The following PROSER1 variants were observed in gnomAD, a reference collection of about 807,000 sequenced individuals.
PROSER1 encodes proline and serine rich 1.
A neutral mutation model predicts 71.8 loss-of-function variants in PROSER1; 36 were observed. The observed-to-expected ratio is 0.50, with a 90% confidence interval of 0.38 to 0.66. The LOEUF (loss-of-function observed/expected upper bound fraction) is 0.66. Ranked by LOEUF, PROSER1 falls within the 30% of genes least tolerant of loss-of-function variation. The probability of loss-of-function intolerance (pLI) is 0.00; values close to 1 mark genes in which losing one functional copy is unlikely to be tolerated. For synonymous variants in PROSER1, 490 were observed against 452.4 expected, an observed-to-expected ratio of 1.08 and a Z score of -1.06; for missense variants, 1,107 against 1,135.0, an observed-to-expected ratio of 0.98 and a Z score of 0.35.
Position 39,037,239 on chromosome 13 carries a change from C to T in PROSER1, c.4G>A (p.Asp2Asn). MDKKSFEMVLDE... is the reference protein window; with the variant it reads MNKKSFEMVLDE... Reference sequence around the variant, plus strand: ...AGCACCATTTCAAAGGACTTTTTATCCATCTTGACTACTATCCCGACGTGG... The same window carrying T: ...AGCACCATTTCAAAGGACTTTTTATTCATCTTGACTACTATCCCGACGTGG... The change falls in exon 1 of 13, where the codon GAT (aspartate) becomes AAT (asparagine). Residue 2 changes from aspartate to asparagine, a missense_variant. Transcript: ENST00000352251. The T allele has an allele frequency of 6.2e-7, 1 of 1,609,090 alleles. No homozygotes were observed. Among genetic ancestry groups the T allele is most frequent in the Non-Finnish European group, 8.5e-7 (1 of 1,175,458 alleles).
chr13:39,018,065 G>A (rs930780581), intron 9 of PROSER1: 6 of 153,498 alleles, frequency 3.9e-5, no homozygotes, highest in African/African-American at 1.4e-4. Context: ...ATTCACTGTG[G>A]ATTGTCCAAG....
At chr13:39,022,770 C>CA (rs954560173) in intron 8 of PROSER1, 1 of 390,894 alleles carries the variant, frequency 2.6e-6, no homozygotes, top group Non-Finnish European at 4.6e-6. Flanking sequence ...TACCAACTAC[C>CA]AAAAAAAGGA....
chr13:39,022,310 C>G lies in PROSER1; in HGVS notation c.730+16G>C. 2.6e-6 allele frequency: 4 copies of G among 1,557,720 alleles called. No individual in the cohort carries two copies. Among genetic ancestry groups the G allele is most frequent in the Non-Finnish European group, 3.5e-6 (4 of 1,128,964 alleles). On this transcript the variant is annotated intron_variant, in intron 9 of 12. Transcript: ENST00000352251. ...ATATGAATAAGTTACTTAAACACCCCCAAATAACATTTTACCTGTTCCTAC... is the reference window on the plus strand; with the variant it reads ...ATATGAATAAGTTACTTAAACACCCGCAAATAACATTTTACCTGTTCCTAC...
intron 9 of PROSER1, among the ~76,000 whole-genome samples, chr13:39,020,147 T>C (rs1305209971): frequency 2.0e-5 from 3 of 151,084 alleles, no homozygotes; most frequent in African/African-American, 7.3e-5. Context: ...CTATTTATAA[T>C]TGCAACCAAA....
At chr13:39,022,721 G>A in intron 8 of PROSER1, 1 of 384,010 alleles carries the variant, frequency 2.6e-6, no homozygotes, top group East Asian at 4.2e-5. Context: ...GCATATACTT[G>A]ACTTTTTGAA....
chr13:39,018,493 C>CACAA lies in PROSER1; in HGVS notation c.731-950_731-949insTTGT, dbSNP rs1555238999. Among the ~76,000 whole-genome samples, 132 of 144,280 alleles carry CACAA rather than the reference C, an allele frequency of 9.1e-4. 3 individuals carry two copies. In the East Asian group the frequency reaches 0.014, roughly 15 times the overall value. 94.7% of individuals were successfully genotyped at this position (144,280 alleles called of 152,430 possible). ...AACCCGACACACACACACACACACA[C>CACAA]ACACACACACACACACACACACACT... On this transcript the variant is annotated intron_variant, in intron 9 of 12. Transcript: ENST00000352251.
intron 9 of PROSER1, among the ~76,000 whole-genome samples, chr13:39,018,452 G>A (rs1008576452): frequency 1.7e-4 from 24 of 141,418 alleles, no homozygotes; most frequent in African/African-American, 6.0e-4. Flanking sequence ...TTTAATTAAA[G>A]AAAAAGGACT....
chr13:39,014,311 G>A lies in PROSER1; in HGVS notation c.941C>T (p.Pro314Leu), dbSNP rs189331629. ...SGMNLLNTVL[P>L]VFPGQVSSAV... ...TGAGGAGACCTGCCCTGGGAACACA[G>A]GAAGGACAGTATTCAGCAGGTTCAT... is the stretch of plus-strand genomic sequence containing the variant. Residue 314 changes from proline (P) to leucine (L), a missense_variant, in exon 11 of 13, where the codon CCT becomes CTT. Coordinates refer to ENST00000352251, the MANE Select transcript of PROSER1 (RefSeq NM_025138.5). The A allele has an allele frequency of 2.1e-5, 34 of 1,614,122 alleles. 1 individual carries two copies. The Admixed American group carries it at 4.8e-4, about 23-fold the overall frequency.
At position 39,026,302 on chromosome 13, in the gene PROSER1, G is replaced by T; in HGVS notation, c.455C>A (p.Pro152His). 5 of 1,611,852 alleles carry T rather than the reference G, an allele frequency of 3.1e-6. No individual in the cohort carries two copies. Among genetic ancestry groups the T allele is most frequent in the Non-Finnish European group, 4.2e-6 (5 of 1,178,836 alleles). Residue 152 changes from proline (P) to histidine (H), a missense_variant, in exon 6 of 13, where the codon CCT becomes CAT. Physicochemically the swap from Pro to His is moderately conservative, Grantham distance 77. Coordinates refer to ENST00000352251, the MANE Select transcript of PROSER1 (RefSeq NM_025138.5). Reference protein sequence around the residue: ...IPGNPYPKGRPSRINGIFPGT... With the variant: ...IPGNPYPKGRHSRINGIFPGT... ...TGGGAAAATTCCATTTATGCGGCTAGGTCTTCCTTTGGGATATGGATTTCC... is the reference window on the plus strand; with the variant it reads ...TGGGAAAATTCCATTTATGCGGCTATGTCTTCCTTTGGGATATGGATTTCC...
Position 39,037,564 on chromosome 13 carries a change from C to T in PROSER1, c.-322G>A, listed in dbSNP as rs780652935. The T allele has an allele frequency of 4.0e-6, 1 of 249,932 alleles. No homozygotes were observed. The highest frequency in any genetic ancestry group is 7.6e-6 in the Non-Finnish European group (1 of 130,960). The allele number at this position is 249,932 out of a possible 1,614,324, so 15.5% of individuals were successfully genotyped here. A position where few individuals can be genotyped will look rare whatever the true frequency, so the allele number is the denominator to read the frequency against. On this transcript the variant is annotated 5_prime_UTR_variant, in exon 1 of 13. Coordinates refer to ENST00000352251, the MANE Select transcript of PROSER1 (RefSeq NM_025138.5). ...TTGCAGAAAAACCCGGGCTCGGCGGCAGGTTTGAGTGCGGTTTCCCTGCAG... is the reference window on the plus strand; with the variant it reads ...TTGCAGAAAAACCCGGGCTCGGCGGTAGGTTTGAGTGCGGTTTCCCTGCAG...
chr13:39,023,223 T>C, intron 7 of PROSER1, 93 bp from the exon 8 acceptor site: 4 of 906,120 alleles, frequency 4.4e-6, no homozygotes, highest in Non-Finnish European at 5.5e-6. Context: ...CCTAATATGC[T>C]AAAAATGTCC....
chr13:39,036,811 T>C (rs1871132828), intron 1 of PROSER1, among the ~76,000 whole-genome samples: 1 of 152,178 alleles, frequency 6.6e-6, no homozygotes, highest in African/African-American at 2.4e-5. Context: ...ATAACTACCA[T>C]AAAAGAAACT....
intron 3 of PROSER1, 34 bp from the exon 4 acceptor site, chr13:39,029,409 T>C (rs1870724080): frequency 1.3e-5 from 16 of 1,248,698 alleles, no homozygotes; most frequent in Non-Finnish European, 1.8e-5. Flanking sequence ...ATTTTTAACG[T>C]GAAATTTTCA....
intron 9 of PROSER1, 120 bp from the exon 10 acceptor site, chr13:39,017,664 A>G: frequency 6.6e-6 from 4 of 605,134 alleles, no homozygotes; most frequent in Non-Finnish European, 5.7e-6. Flanking sequence ...CTATGTTAGG[A>G]AAAAAATGTA....
At position 39,013,914 on chromosome 13, in the gene PROSER1, C is replaced by T. The variant is rs149105936; in HGVS notation, c.1338G>A (p.Pro446=). The change falls in exon 11 of 13, where the codon CCG becomes CCA. Residue 446 remains proline, a synonymous_variant. Transcript: ENST00000352251. ...LPPTSQGLSN[P]TPVIAGGSTP... is the part of the protein sequence containing the mutation. The stretch of plus-strand genomic sequence containing the variant: ...TAGAGCCACCAGCAATTACAGGAGT[C>T]GGGTTGGATAGGCCTTGGGATGTTG... The T allele has an allele frequency of 5.4e-5, 87 of 1,614,066 alleles. No homozygotes were observed. The African/African-American group carries it at 7.2e-4, about 13-fold the overall frequency.
chr13:39,014,888 T>C (rs1043486218), intron 10 of PROSER1, among the ~76,000 whole-genome samples: 1 of 152,228 alleles, frequency 6.6e-6, no homozygotes, highest in Non-Finnish European at 1.5e-5. Flanking sequence ...ATGGCTTCCC[T>C]TGCAGGGCCA....
At chr13:39,015,624 T>C (rs1016152061) in intron 10 of PROSER1, among the ~76,000 whole-genome samples, 1 of 152,152 alleles carries the variant, frequency 6.6e-6, no homozygotes, top group Admixed American at 6.5e-5. Context: ...AACACATACA[T>C]AATTCATTTG....
rs910242936 is a variant in PROSER1 at position 39,014,731 on chromosome 13, C to T, written c.776-255G>A. ...ATCACAGGAAGTTTTGAGAAGCTTG[C>T]GAAGTGTCCTTTCATGTTTTTCCGC... On this transcript the variant is annotated intron_variant, in intron 10 of 12. Coordinates refer to ENST00000352251, the MANE Select transcript of PROSER1 (RefSeq NM_025138.5). Among the ~76,000 whole-genome samples, 8 of 152,124 alleles carry T rather than the reference C, an allele frequency of 5.3e-5. 1 individual carries two copies. The highest frequency in any genetic ancestry group is 1.0e-4 in the Non-Finnish European group (7 of 68,018).
At chr13:39,023,155 A>G (rs1870379643) in intron 7 of PROSER1, 25 bp from the exon 8 acceptor site, 1 of 1,567,840 alleles carries the variant, frequency 6.4e-7, no homozygotes, top group South Asian at 1.1e-5. Context: ...AAAATACAGC[A>G]GTTAGAAGAA....
Sources: gnomAD v4.1 joint callset for allele counts (sites outside exome capture counted in the v4.1 genomes callset) on GRCh38, gnomAD v4.1.1 for gene constraint, MANE v1.5 for transcripts, NCBI Gene and HGNC (gene_info 2026-07-23, HGNC 2026-07-21) for gene names.